Variants in RBKS observed in about 807,000 individuals in gnomAD.
RBKS encodes the protein ribokinase.
Under a neutral mutation model 33.9 loss-of-function variants are expected in RBKS, and 33 were observed. That is an observed-to-expected ratio of 0.97 (90% CI 0.74 to 1.30). The LOEUF is 1.30. RBKS is among the 50% of genes most tolerant of loss of function. The pLI is 0.00. For missense variants in RBKS, 361 were observed against 392.6 expected (o/e 0.92, Z 0.68); for synonymous variants, 125 against 143.0 (o/e 0.87, Z 0.90).
intron 2 of RBKS, among the ~76,000 whole-genome samples, chr2:27,850,451 C>T (rs527986066): frequency 2.0e-4 from 31 of 152,178 alleles, no homozygotes; most frequent in Admixed American, 5.2e-4. Flanking sequence ...AGTTTCACTA[C>T]CCTAAAAATC....
chr2:27,789,425 G>T (rs1253992975), intron 7 of RBKS, among the ~76,000 whole-genome samples: 1 of 146,810 alleles, frequency 6.8e-6, no homozygotes, highest in Admixed American at 6.8e-5. Context: ...TTTGAGATAG[G>T]TCTCACTCTG....
At chr2:27,839,133 G>T (rs1351529041) in intron 5 of RBKS, among the ~76,000 whole-genome samples, 2 of 152,162 alleles carry the variant, frequency 1.3e-5, no homozygotes, top group African/African-American at 4.8e-5. Context: ...TCTTTTCTGT[G>T]ACTTGAGCAG....
At chr2:27,782,736 C>T in intron 7 of RBKS, 2 of 363,310 alleles carry the variant, frequency 5.5e-6, no homozygotes, top group Non-Finnish European at 1.2e-5. Flanking sequence ...TTACTTTGCT[C>T]CCTTTTTTCA....
intron 1 of RBKS, among the ~76,000 whole-genome samples, chr2:27,866,807 T>C (rs1056513122): frequency 6.6e-6 from 1 of 152,202 alleles, no homozygotes; most frequent in Admixed American, 6.5e-5. Flanking sequence ...AACAGGTCTT[T>C]TAAAATCCCT....
In RBKS at chr2:27,791,559, A is replaced by G. The variant is rs114602565; in HGVS notation, c.796-9771T>C. ...GCTTTCCTAGTTCTCCATCTTGCAG[A>G]TCGTGGGCCTTCATGGCTTCCATAA... On this transcript the variant is annotated intron_variant, in intron 7 of 7. Coordinates refer to ENST00000302188, the MANE Select transcript of RBKS (RefSeq NM_022128.3). 8.9e-3 allele frequency among the ~76,000 whole-genome samples: 1,356 copies of G among 151,706 alleles called. 25 individuals are homozygous for G. Among genetic ancestry groups the G allele is most frequent in the African/African-American group, 0.03 (1,252 of 41,212 alleles).
chr2:27,848,222 TA>T, intron 2 of RBKS, 125 bp from the exon 3 acceptor site: 1 of 558,214 alleles, frequency 1.8e-6, no homozygotes, highest in Non-Finnish European at 3.2e-6. Context: ...ATTAACTAAT[TA>T]ATCTTCTTAA....
At chr2:27,857,550 T>C (rs1296107288) in intron 2 of RBKS, among the ~76,000 whole-genome samples, 2 of 152,204 alleles carry the variant, frequency 1.3e-5, no homozygotes, top group East Asian at 3.8e-4. Flanking sequence ...AGATACAGCA[T>C]TAGAAGAAAA....
At chr2:27,854,259 A>C (rs1663807325) in intron 2 of RBKS, among the ~76,000 whole-genome samples, 1 of 152,240 alleles carries the variant, frequency 6.6e-6, no homozygotes, top group East Asian at 1.9e-4. Flanking sequence ...ATTGCTATAA[A>C]TGATCCTAAC....
At chr2:27,869,703 GT>G in intron 1 of RBKS, 1 of 183,596 alleles carries the variant, frequency 5.4e-6, no homozygotes, top group Non-Finnish European at 1.1e-5. Flanking sequence ...TGTTGAATCA[GT>G]AGGAGCCCTG....
In RBKS at chr2:27,781,615, TCAAAA is replaced by T. The variant is rs757524950; in HGVS notation, c.964_968del (p.Phe322IlefsTer23). On this transcript the variant is annotated frameshift_variant and stop_lost, in exon 8 of 8. Transcript: ENST00000302188. LOFTEE classifies it high-confidence loss of function. Reference sequence around the variant, plus strand: ...ATATTTATTTTGGGACTAATAGCAATCAAAACAGAGTAAGCGGAAGGTCTTTTTTG... The same window carrying T: ...ATATTTATTTTGGGACTAATAGCAATCAGAGTAAGCGGAAGGTCTTTTTTG... The T allele has an allele frequency of 4.4e-6, 7 of 1,606,936 alleles. No homozygotes were observed. Among genetic ancestry groups the T allele is most frequent in the Non-Finnish European group, 5.9e-6 (7 of 1,176,834 alleles).
At chr2:27,841,110 C>T (rs904023415) in intron 5 of RBKS, among the ~76,000 whole-genome samples, 1 of 152,084 alleles carries the variant, frequency 6.6e-6, no homozygotes, top group Non-Finnish European at 1.5e-5. Context: ...CTCCAGCTCC[C>T]AACTGGAAGA....
chr2:27,788,195 A>G (rs1323606618), intron 7 of RBKS, among the ~76,000 whole-genome samples: 1 of 152,240 alleles, frequency 6.6e-6, no homozygotes, highest in African/African-American at 2.4e-5. Context: ...GTCTGTTCTC[A>G]CTACTTCTAC....
At chr2:27,858,821 A>G (rs1360141841) in intron 1 of RBKS, among the ~76,000 whole-genome samples, 1 of 152,202 alleles carries the variant, frequency 6.6e-6, no homozygotes, top group East Asian at 1.9e-4. Context: ...CTAGTGTTGT[A>G]CTGCATCAGG....
At chr2:27,860,666 G>A (rs1302272513) in intron 1 of RBKS, among the ~76,000 whole-genome samples, 1 of 152,048 alleles carries the variant, frequency 6.6e-6, no homozygotes, top group Admixed American at 6.6e-5. Flanking sequence ...CAGATGGCTG[G>A]GATTTAAACT....
At chr2:27,851,828 C>T (rs944983286) in intron 2 of RBKS, among the ~76,000 whole-genome samples, 4 of 152,150 alleles carry the variant, frequency 2.6e-5, no homozygotes. Context: ...CGTGAGCCAC[C>T]ACACCCGGCT....
At chr2:27,887,081 C>T (rs752585206) in intron 1 of RBKS, among the ~76,000 whole-genome samples, 1 of 152,162 alleles carries the variant, frequency 6.6e-6, no homozygotes, top group Non-Finnish European at 1.5e-5. Flanking sequence ...CCTAATAAGT[C>T]ACCATAAAAT....
At chr2:27,865,492 C>A (rs1299500709) in intron 1 of RBKS, among the ~76,000 whole-genome samples, 1 of 151,804 alleles carries the variant, frequency 6.6e-6, no homozygotes, top group Non-Finnish European at 1.5e-5. Flanking sequence ...CCTTCTTTTC[C>A]TGCTTTCTTT....
At chr2:27,826,803 T>C (rs1678321619) in intron 7 of RBKS, among the ~76,000 whole-genome samples, 2 of 152,136 alleles carry the variant, frequency 1.3e-5, no homozygotes, top group Admixed American at 6.6e-5. Flanking sequence ...TCATTCCTAC[T>C]CTGTAGCCAT....
intron 1 of RBKS, among the ~76,000 whole-genome samples, chr2:27,872,022 C>A (rs546496052): frequency 6.6e-6 from 1 of 152,302 alleles, no homozygotes; most frequent in Admixed American, 6.5e-5. Context: ...GAAACTAATG[C>A]TACTGCTGAT....
Sources: gnomAD v4.1 joint callset for allele counts (sites outside exome capture counted in the v4.1 genomes callset) on GRCh38, gnomAD v4.1.1 for gene constraint, MANE v1.5 for transcripts, NCBI Gene and HGNC (gene_info 2026-07-23, HGNC 2026-07-21) for gene names.